The following KCNK1 variants were observed in gnomAD, a reference collection of about 807,000 sequenced individuals.
KCNK1 encodes the protein potassium two pore domain channel subfamily K member 1.
In KCNK1, 10 loss-of-function variants were observed where a neutral mutation model predicts 22.2. The observed-to-expected ratio is 0.45, with a 90% confidence interval of 0.28 to 0.76. The LOEUF (loss-of-function observed/expected upper bound fraction) is 0.76, where lower values mean the gene tolerates loss of function less well. KCNK1 is among the 30% of genes least tolerant of loss of function. KCNK1 has a pLI of 0.14. For missense variants in KCNK1, 378 were observed against 421.0 expected (o/e 0.90, Z 0.89); for synonymous variants, 200 against 186.4 (o/e 1.07, Z -0.60).
At chr1:233,623,299 G>T (rs1383055817) in intron 1 of KCNK1, among the ~76,000 whole-genome samples, 2 of 152,010 alleles carry the variant, frequency 1.3e-5, no homozygotes, top group Non-Finnish European at 2.9e-5. Context: ...GGGGAGGGGG[G>T]ATGGGGAGAG....
intron 1 of KCNK1, among the ~76,000 whole-genome samples, chr1:233,661,322 T>G (rs1170046373): frequency 6.6e-6 from 1 of 152,240 alleles, no homozygotes; most frequent in Admixed American, 6.5e-5. Context: ...GTGTGGTGTA[T>G]TAATTTAGTC....
intron 2 of KCNK1, 116 bp downstream of exon 2, chr1:233,667,106 C>G: frequency 1.2e-6 from 1 of 825,292 alleles, no homozygotes; most frequent in East Asian, 3.3e-5. Context: ...TGCAGTGGTG[C>G]GATCTTGGCT....
intron 1 of KCNK1, among the ~76,000 whole-genome samples, chr1:233,628,916 G>A (rs73105508): frequency 0.011 from 1,652 of 152,184 alleles, 34 homozygotes; most frequent in African/African-American, 0.039. Context: ...GTGTGAAAGC[G>A]TTGAACTGGG....
chr1:233,626,161 G>A (rs961442676), intron 1 of KCNK1, among the ~76,000 whole-genome samples: 4 of 152,014 alleles, frequency 2.6e-5, no homozygotes, highest in Admixed American at 6.6e-5. Context: ...AAGTGGTGAT[G>A]AGAAGTGGTC....
chr1:233,625,155 A>G (rs1657665408), intron 1 of KCNK1, among the ~76,000 whole-genome samples: 1 of 152,240 alleles, frequency 6.6e-6, no homozygotes, highest in Admixed American at 6.5e-5. Context: ...AAGTATAAAC[A>G]GGTGTGTAAA....
intron 1 of KCNK1, among the ~76,000 whole-genome samples, chr1:233,658,182 T>C (rs1303336054): frequency 6.6e-6 from 1 of 152,198 alleles, no homozygotes; most frequent in East Asian, 1.9e-4. Flanking sequence ...AGTTAAATTG[T>C]AAACAGTGTT....
intron 2 of KCNK1, among the ~76,000 whole-genome samples, chr1:233,668,610 A>T (rs1658540159): frequency 1.3e-5 from 2 of 148,400 alleles, no homozygotes; most frequent in Non-Finnish European, 3.0e-5. Context: ...ATTGTAGAGA[A>T]TTTTTTTTTT....
intron 1 of KCNK1, among the ~76,000 whole-genome samples, chr1:233,616,686 T>G (rs1391946067): frequency 1.3e-5 from 2 of 152,256 alleles, no homozygotes; most frequent in Non-Finnish European, 2.9e-5. Flanking sequence ...TACTCTTCTG[T>G]TGGCTTTGTA....
intron 1 of KCNK1, among the ~76,000 whole-genome samples, chr1:233,621,931 A>T (rs1657595398): frequency 6.6e-6 from 1 of 151,730 alleles, no homozygotes; most frequent in Non-Finnish European, 1.5e-5. Flanking sequence ...ATTTTATGAC[A>T]TTGCTCATTG....
intron 1 of KCNK1, among the ~76,000 whole-genome samples, chr1:233,634,044 A>C (rs978406967): frequency 6.6e-6 from 1 of 152,168 alleles, no homozygotes; most frequent in Non-Finnish European, 1.5e-5. Context: ...GCAGTGGCTT[A>C]CACTTGTAAT....
At chr1:233,636,755 T>TTGTAGTG (rs59315772) in intron 1 of KCNK1, among the ~76,000 whole-genome samples, 2 of 151,828 alleles carry the variant, frequency 1.3e-5, no homozygotes, top group African/African-American at 4.8e-5. Flanking sequence ...AAACAGGTGA[T>TTGTAGTG]CCCTCTAGGA....
At chr1:233,664,520 A>C (rs1658455627) in intron 1 of KCNK1, among the ~76,000 whole-genome samples, 2 of 152,182 alleles carry the variant, frequency 1.3e-5, no homozygotes, top group Admixed American at 6.5e-5. Context: ...TCAGAACAAG[A>C]GTAGTTCTTA....
chr1:233,621,617 T>C (rs1232613948), intron 1 of KCNK1, among the ~76,000 whole-genome samples: 1 of 152,192 alleles, frequency 6.6e-6, no homozygotes, highest in Non-Finnish European at 1.5e-5. Context: ...TAATAAATTC[T>C]AGAAACATTT....
At chr1:233,617,043 G>T (rs763153524) in intron 1 of KCNK1, among the ~76,000 whole-genome samples, 25 of 147,482 alleles carry the variant, frequency 1.7e-4, no homozygotes, top group Non-Finnish European at 2.2e-4. Context: ...TAGACATGTT[G>T]TGCTTTTTTT....
intron 1 of KCNK1, among the ~76,000 whole-genome samples, chr1:233,623,720 C>G (rs1443185989): frequency 6.6e-6 from 1 of 152,184 alleles, no homozygotes; most frequent in Non-Finnish European, 1.5e-5. Context: ...TCCTGAGTAA[C>G]TGGGACCACA....
At position 233,614,188 on chromosome 1, in the gene KCNK1, C is replaced by G; in HGVS notation, c.17C>G (p.Ala6Gly). 6.2e-7 allele frequency: 1 copy of G among 1,604,858 alleles called. No individual in the cohort carries two copies. Among genetic ancestry groups the G allele is most frequent in the Non-Finnish European group, 8.5e-7 (1 of 1,179,066 alleles). Reference sequence around the variant, plus strand: ...GTGGAGAAGATGCTGCAGTCCCTGGCCGGCAGCTCGTGCGTGCGCCTGGTG... The same window carrying G: ...GTGGAGAAGATGCTGCAGTCCCTGGGCGGCAGCTCGTGCGTGCGCCTGGTG... MLQSL[A>G]GSSCVRLVER... is the part of the protein sequence containing the mutation. Residue 6 changes from alanine to glycine, a missense_variant, in exon 1 of 3, where the codon GCC becomes GGC. Transcript: ENST00000366621.
chr1:233,661,009 A>G (rs1020814342), intron 1 of KCNK1, among the ~76,000 whole-genome samples: 44 of 152,346 alleles, frequency 2.9e-4, no homozygotes, highest in African/African-American at 9.6e-4. Flanking sequence ...GAGTAGAAAT[A>G]ACAACTCTAG....
At chr1:233,668,992 G>A (rs1325231869) in intron 2 of KCNK1, among the ~76,000 whole-genome samples, 1 of 152,158 alleles carries the variant, frequency 6.6e-6, no homozygotes, top group East Asian at 1.9e-4. Flanking sequence ...ACGCCTTTTT[G>A]TGACTCATAG....
At chr1:233,656,960 C>T (rs1022114507) in intron 1 of KCNK1, among the ~76,000 whole-genome samples, 2 of 152,112 alleles carry the variant, frequency 1.3e-5, no homozygotes, top group East Asian at 3.8e-4. Flanking sequence ...TTTTTTGGTC[C>T]TAGTCATAAC....
Sources: gnomAD v4.1 joint callset for allele counts (sites outside exome capture counted in the v4.1 genomes callset) on GRCh38, gnomAD v4.1.1 for gene constraint, MANE v1.5 for transcripts, NCBI Gene and HGNC (gene_info 2026-07-23, HGNC 2026-07-21) for gene names.